Variants in CLSTN2 observed in about 807,000 individuals in gnomAD.
CLSTN2 encodes the protein calsyntenin 2, also known as calsyntenin-2.
Under a neutral mutation model 101.2 loss-of-function variants are expected in CLSTN2, and 48 were observed. That is an observed-to-expected ratio of 0.47 (90% confidence interval 0.38 to 0.60). CLSTN2 has a LOEUF of 0.60. Ranked by LOEUF, CLSTN2 falls within the 20% of genes least tolerant of loss-of-function variation. The probability of loss-of-function intolerance (pLI) is 0.00; values close to 1 mark genes in which losing one functional copy is unlikely to be tolerated. For synonymous variants in CLSTN2, 481 were observed against 463.6 expected (o/e 1.04, Z -0.48); for missense variants, 1,160 against 1,238.2 (o/e 0.94, Z 0.95).
chr3:140,132,348 C>A (rs1193411903), intron 1 of CLSTN2, among the ~76,000 whole-genome samples: 1 of 152,134 alleles, frequency 6.6e-6, no homozygotes, highest in Non-Finnish European at 1.5e-5. Flanking sequence ...ATGCAAGTAA[C>A]CTCACTTAGA....
chr3:140,113,003 C>T (rs1019807632), intron 1 of CLSTN2, among the ~76,000 whole-genome samples: 1 of 152,082 alleles, frequency 6.6e-6, no homozygotes, highest in Non-Finnish European at 1.5e-5. Flanking sequence ...CAGAACCATC[C>T]TTCTGATGGC....
At chr3:140,432,628 C>T (rs776118711) in intron 5 of CLSTN2, among the ~76,000 whole-genome samples, 1 of 152,148 alleles carries the variant, frequency 6.6e-6, no homozygotes, top group Non-Finnish European at 1.5e-5. Flanking sequence ...CAGCAAATGG[C>T]TCTGTACAGG....
At chr3:140,530,976 T>C (rs564748658) in intron 8 of CLSTN2, among the ~76,000 whole-genome samples, 27 of 152,356 alleles carry the variant, frequency 1.8e-4, no homozygotes, top group African/African-American at 5.8e-4. Context: ...GGTTCGGTGC[T>C]TGATTCAGAT....
intron 1 of CLSTN2, among the ~76,000 whole-genome samples, chr3:139,992,471 G>C (rs1236091152): frequency 3.3e-5 from 5 of 152,110 alleles, no homozygotes; most frequent in African/African-American, 1.2e-4. Context: ...AGAAGAGAGG[G>C]CTCACCAGAG....
chr3:140,524,833 C>G (rs1935103450), intron 8 of CLSTN2, among the ~76,000 whole-genome samples: 1 of 152,210 alleles, frequency 6.6e-6, no homozygotes, highest in Admixed American at 6.5e-5. Context: ...AAACAACTTT[C>G]TCCTGAATAA....
At chr3:140,346,997 C>A (rs1266128520) in intron 2 of CLSTN2, among the ~76,000 whole-genome samples, 3 of 152,184 alleles carry the variant, frequency 2.0e-5, no homozygotes, top group Non-Finnish European at 4.4e-5. Context: ...GAAAGAATGT[C>A]TTTTCTAACT....
intron 2 of CLSTN2, among the ~76,000 whole-genome samples, chr3:140,196,661 G>A (rs573016676): frequency 6.6e-6 from 1 of 152,246 alleles, no homozygotes; most frequent in South Asian, 2.1e-4. Context: ...CCACAGTGGG[G>A]GTAGAAACAG....
chr3:140,392,903 G>A (rs551162022), intron 2 of CLSTN2, among the ~76,000 whole-genome samples: 2 of 152,110 alleles, frequency 1.3e-5, no homozygotes, highest in Admixed American at 1.3e-4. Context: ...GGCCACAACT[G>A]GTGAGGCCCT....
At chr3:140,366,070 C>A (rs923912786) in intron 2 of CLSTN2, among the ~76,000 whole-genome samples, 1 of 152,222 alleles carries the variant, frequency 6.6e-6, no homozygotes, top group Non-Finnish European at 1.5e-5. Flanking sequence ...AGGAGGGGAA[C>A]AAGCCACAGT....
chr3:140,193,516 T>TTTTG (rs370066949), intron 2 of CLSTN2, among the ~76,000 whole-genome samples: 17 of 151,984 alleles, frequency 1.1e-4, no homozygotes, highest in South Asian at 2.1e-4. Flanking sequence ...GCCATTCTGT[T>TTTTG]TTTGTTTGTT....
At chr3:140,526,947 A>G (rs1197292688) in intron 8 of CLSTN2, among the ~76,000 whole-genome samples, 1 of 152,174 alleles carries the variant, frequency 6.6e-6, no homozygotes, top group Non-Finnish European at 1.5e-5. Flanking sequence ...AAAATGGGTT[A>G]AAGATTTAAA....
intron 1 of CLSTN2, among the ~76,000 whole-genome samples, chr3:140,071,525 T>C (rs1237519851): frequency 6.6e-6 from 1 of 152,060 alleles, no homozygotes; most frequent in Non-Finnish European, 1.5e-5. Flanking sequence ...AGGCAATCCA[T>C]ACATACACAA....
At chr3:140,417,108 A>G (rs897063832) in intron 4 of CLSTN2, among the ~76,000 whole-genome samples, 8 of 152,226 alleles carry the variant, frequency 5.3e-5, no homozygotes, top group African/African-American at 1.7e-4. Context: ...CAAATTTTCA[A>G]TAGTTTTTCT....
chr3:140,367,412 C>G (rs1026929595), intron 2 of CLSTN2, among the ~76,000 whole-genome samples: 4 of 148,820 alleles, frequency 2.7e-5, no homozygotes, highest in Non-Finnish European at 5.9e-5. Flanking sequence ...ACTTGGGAGG[C>G]TGAGGCAGGA....
At chr3:140,159,521 G>A (rs1200222098) in intron 1 of CLSTN2, among the ~76,000 whole-genome samples, 1 of 152,026 alleles carries the variant, frequency 6.6e-6, no homozygotes, top group African/African-American at 2.4e-5. Context: ...AAAAACAGAG[G>A]CTGGTAAGGC....
intron 4 of CLSTN2, among the ~76,000 whole-genome samples, chr3:140,418,509 CTTTCTTTCTT>C (rs1304869450): frequency 4.8e-5 from 3 of 62,994 alleles, no homozygotes; most frequent in African/African-American, 4.9e-4. Context: ...TTCTTTCTTT[CTTTCTTTCTT>C]TTTTTTTTTT....
chr3:140,494,851 T>C (rs1212457637), intron 8 of CLSTN2, among the ~76,000 whole-genome samples: 1 of 152,242 alleles, frequency 6.6e-6, no homozygotes, highest in Non-Finnish European at 1.5e-5. Flanking sequence ...ATTTTGTTTA[T>C]CCAGTCTATC....
At chr3:140,095,750 C>T (rs2008858931) in intron 1 of CLSTN2, among the ~76,000 whole-genome samples, 1 of 152,164 alleles carries the variant, frequency 6.6e-6, no homozygotes, top group African/African-American at 2.4e-5. Flanking sequence ...GAAGCAAACA[C>T]CTGGGGTATT....
chr3:139,987,962 A>C (rs1014799961), intron 1 of CLSTN2, among the ~76,000 whole-genome samples: 6 of 152,232 alleles, frequency 3.9e-5, no homozygotes, highest in African/African-American at 1.4e-4. Context: ...ACAGGGAATA[A>C]GGATAGTGAA....
Sources: allele counts gnomAD v4.1 joint callset (sites outside exome capture counted in the v4.1 genomes callset), GRCh38; gene constraint gnomAD v4.1.1; transcripts MANE v1.5; gene names NCBI Gene and HGNC (gene_info 2026-07-23, HGNC 2026-07-21).